Variants in SUSD6 observed in about 807,000 individuals in gnomAD.
The protein encoded by SUSD6 is sushi domain containing 6, also known as sushi domain-containing protein 6.
SUSD6 carries 16 observed loss-of-function variants against 28.4 expected under a neutral mutation model. The ratio of observed to expected loss-of-function variants is 0.56; its 90% CI spans 0.38 to 0.86. The LOEUF is 0.86. Among genes scored for constraint, SUSD6 ranks in the 40% least tolerant of loss-of-function variants. The probability of loss-of-function intolerance (pLI) is 0.00; values close to 1 mark genes in which losing one functional copy is unlikely to be tolerated. For missense variants in SUSD6, 341 were observed against 384.2 expected, an observed-to-expected ratio of 0.89 and a Z score of 0.94; for synonymous variants, 147 against 159.6, an observed-to-expected ratio of 0.92 and a Z score of 0.59.
At chr14:69,638,423 AGTGTGTGTGT>A (rs10637124) in intron 1 of SUSD6, among the ~76,000 whole-genome samples, 22 of 139,242 alleles carry the variant, frequency 1.6e-4, no homozygotes, top group Admixed American at 3.6e-4. Context: ...TGGGGTGGGG[AGTGTGTGTGT>A]GTGTGTGTGT....
intron 2 of SUSD6, among the ~76,000 whole-genome samples, chr14:69,695,193 T>G (rs75892139): frequency 2.9e-3 from 438 of 152,156 alleles, no homozygotes; most frequent in African/African-American, 0.01. Flanking sequence ...TAGACTTGAC[T>G]ATTTGGCGGG....
intron 1 of SUSD6, among the ~76,000 whole-genome samples, chr14:69,655,677 A>G (rs537167622): frequency 2.9e-4 from 44 of 151,550 alleles, no homozygotes; most frequent in Middle Eastern, 6.8e-3. Flanking sequence ...GCGTGCTCCT[A>G]TAGTCCCAGC....
intron 4 of SUSD6, among the ~76,000 whole-genome samples, chr14:69,705,283 G>A (rs1333055242): frequency 4.0e-5 from 6 of 150,798 alleles, no homozygotes; most frequent in Non-Finnish European, 8.8e-5. Context: ...ACACCACTGC[G>A]CTCCAGTCTG....
At chr14:69,684,149 C>T (rs1267344011) in intron 2 of SUSD6, among the ~76,000 whole-genome samples, 1 of 152,190 alleles carries the variant, frequency 6.6e-6, no homozygotes, top group Admixed American at 6.5e-5. Flanking sequence ...AGGTTTCAAG[C>T]CTCTGCTGGT....
At position 69,618,872 on chromosome 14, in the gene SUSD6, C is replaced by T. The variant is rs962367284; in HGVS notation, c.-81+7044C>T. On this transcript the variant is annotated intron_variant, in intron 1 of 5. Transcript: ENST00000342745. ...TGAAGATCCAGATGCTTCACTGTTG[C>T]TATCTAGATGCTACCAAAACTCCCA... Among the ~76,000 whole-genome samples, 10 of 152,286 alleles carry T rather than the reference C, an allele frequency of 6.6e-5. No individual in the cohort carries two copies. The East Asian group carries it at 1.3e-3, about 21-fold the overall frequency.
intron 2 of SUSD6, among the ~76,000 whole-genome samples, chr14:69,666,573 G>A (rs1885744665): frequency 6.6e-6 from 1 of 152,120 alleles, no homozygotes; most frequent in Non-Finnish European, 1.5e-5. Context: ...TTTCCCATTT[G>A]GTAGTCCTTT....
chr14:69,651,075 T>C (rs903544526), intron 1 of SUSD6, among the ~76,000 whole-genome samples: 2 of 151,698 alleles, frequency 1.3e-5, no homozygotes, highest in African/African-American at 4.8e-5. Context: ...CCAGTTTTCT[T>C]ACAGCTGAAA....
At chr14:69,654,962 T>A (rs556621391) in intron 1 of SUSD6, among the ~76,000 whole-genome samples, 7 of 152,100 alleles carry the variant, frequency 4.6e-5, no homozygotes, top group African/African-American at 1.7e-4. Context: ...ACCTGGCTAA[T>A]TTTTGTATAT....
intron 2 of SUSD6, among the ~76,000 whole-genome samples, chr14:69,663,458 A>T (rs1466792466): frequency 2.0e-5 from 3 of 152,248 alleles, no homozygotes; most frequent in African/African-American, 7.2e-5. Flanking sequence ...ACTTGGCTTT[A>T]GCCTGTAGCA....
intron 2 of SUSD6, among the ~76,000 whole-genome samples, chr14:69,666,915 G>A (rs931894832): frequency 2.6e-5 from 4 of 152,146 alleles, no homozygotes; most frequent in Non-Finnish European, 4.4e-5. Context: ...AGTAAAAACA[G>A]GGCTATAAAA....
intron 2 of SUSD6, among the ~76,000 whole-genome samples, chr14:69,680,700 A>G (rs1885985751): frequency 6.6e-6 from 1 of 152,052 alleles, no homozygotes; most frequent in Non-Finnish European, 1.5e-5. Flanking sequence ...TTATTTTCCT[A>G]GTATACTGTG....
In SUSD6 at chr14:69,711,159, T is replaced by C. The variant is rs765285709; in HGVS notation, c.*180T>C. The C allele has an allele frequency of 3.3e-6, 2 of 612,186 alleles. No homozygotes were observed. The highest frequency in any genetic ancestry group is 5.8e-6 in the Non-Finnish European group (2 of 345,266). 37.9% of individuals were successfully genotyped at this position (612,186 alleles called of 1,614,324 possible). On this transcript the variant is annotated 3_prime_UTR_variant, in exon 6 of 6. Transcript: ENST00000342745. ...CTTGCTGGAAACTCAAGGAAGATTCTCGCCATCTGCCTGTTGGACAGCTGG... is the reference window on the plus strand; with the variant it reads ...CTTGCTGGAAACTCAAGGAAGATTCCCGCCATCTGCCTGTTGGACAGCTGG...
chr14:69,643,278 T>A (rs1885380577), intron 1 of SUSD6, among the ~76,000 whole-genome samples: 1 of 152,224 alleles, frequency 6.6e-6, no homozygotes, highest in Non-Finnish European at 1.5e-5. Flanking sequence ...TAACCTTGGA[T>A]GTCTTTTCCT....
chr14:69,657,310 C>A (rs1885597581), intron 1 of SUSD6, among the ~76,000 whole-genome samples: 1 of 152,142 alleles, frequency 6.6e-6, no homozygotes, highest in East Asian at 1.9e-4. Flanking sequence ...CAAAAATTAG[C>A]TGGGTGTGGT....
In SUSD6 at chr14:69,658,615, C is replaced by T; in HGVS notation, c.23C>T (p.Pro8Leu). 1 of 1,614,102 alleles carries T rather than the reference C, an allele frequency of 6.2e-7. No individual in the cohort carries two copies. Among genetic ancestry groups the T allele is most frequent in the South Asian group, 1.1e-5 (1 of 91,078 alleles). MCHGRIAPKSTSVFAVAS... is the reference protein window; with the variant it reads MCHGRIALKSTSVFAVAS... ...AAGATGTGCCATGGCAGGATAGCAC[C>T]AAAGAGCACCTCAGTGTTTGCCGTG... Residue 8 changes from proline (P) to leucine (L), a missense_variant, in exon 2 of 6, where the codon CCA (proline) becomes CTA (leucine). Physicochemically the swap from Pro to Leu is moderately conservative, Grantham distance 98 (BLOSUM62 -3). Coordinates refer to ENST00000342745, the MANE Select transcript of SUSD6 (RefSeq NM_014734.4).
At chr14:69,629,551 A>C (rs1490210626) in intron 1 of SUSD6, among the ~76,000 whole-genome samples, 2 of 152,152 alleles carry the variant, frequency 1.3e-5, no homozygotes, top group African/African-American at 4.8e-5. Context: ...GTTAAGGGGC[A>C]CTTCTGCTGT....
chr14:69,618,689 GTGTGTGTAAA>G (rs1884993814), intron 1 of SUSD6, among the ~76,000 whole-genome samples: 1 of 152,242 alleles, frequency 6.6e-6, no homozygotes, highest in Admixed American at 6.5e-5. Context: ...TCCTGTGTGT[GTGTGTGTAAA>G]TGTGTGTGAA....
chr14:69,632,080 A>G (rs541233043), intron 1 of SUSD6, among the ~76,000 whole-genome samples: 1 of 152,344 alleles, frequency 6.6e-6, no homozygotes, highest in East Asian at 1.9e-4. Flanking sequence ...AAAGGTGCAC[A>G]TCTCAAATTT....
intron 1 of SUSD6, among the ~76,000 whole-genome samples, chr14:69,647,231 A>T (rs1439334392): frequency 6.6e-6 from 1 of 152,130 alleles, no homozygotes; most frequent in African/African-American, 2.4e-5. Flanking sequence ...CCACACTGAA[A>T]TTATATCAGG....
Sources: gnomAD v4.1 joint callset for allele counts (sites outside exome capture counted in the v4.1 genomes callset) on GRCh38, gnomAD v4.1.1 for gene constraint, MANE v1.5 for transcripts, NCBI Gene and HGNC (gene_info 2026-07-23, HGNC 2026-07-21) for gene names.